Variants in LTF observed in about 807,000 individuals in gnomAD.
LTF encodes the protein epididymis luminal protein 110.
LTF carries 91 observed loss-of-function variants against 87.2 expected under a neutral mutation model. The observed-to-expected ratio is 1.04, with a 90% CI of 0.88 to 1.24. The LOEUF is 1.24. Among genes scored for constraint, LTF ranks in the 50% most tolerant of loss-of-function variants. The pLI, the probability that LTF is intolerant of heterozygous loss-of-function variation, is 0.00. For missense variants in LTF, 901 were observed against 904.3 expected (o/e 1.00, Z 0.05); for synonymous variants, 378 against 356.1 (o/e 1.06, Z -0.69).
upstream of LTF, among the ~76,000 whole-genome samples, chr3:46,469,777 A>G (rs542612261): frequency 1.1e-4 from 16 of 152,210 alleles, no homozygotes; most frequent in South Asian, 3.3e-3. Context: ...AGAGTCTGGG[A>G]ACGTTTCTGG....
At chr3:46,463,596 C>T in intron 1 of LTF, 1 of 985,530 alleles carries the variant, frequency 1.0e-6, no homozygotes, top group Middle Eastern at 5.2e-4. Context: ...CTTCAGACCT[C>T]AGTAGGCGCC....
chr3:46,473,568 G>A (rs1407419621), intron 1 of LTF, among the ~76,000 whole-genome samples: 1 of 152,150 alleles, frequency 6.6e-6, no homozygotes, highest in East Asian at 1.9e-4. Flanking sequence ...AAGAATGTAG[G>A]GCTGTTTTCC....
intron 16 of LTF, among the ~76,000 whole-genome samples, chr3:46,436,690 G>A (rs1279037394): frequency 6.6e-6 from 1 of 152,226 alleles, no homozygotes; most frequent in Non-Finnish European, 1.5e-5. Flanking sequence ...CCCTCAAGAA[G>A]CATGTGGTCT....
In LTF at chr3:46,447,458, T is replaced by A. The variant is rs746248305; in HGVS notation, c.1213-60A>T. Reference sequence around the variant, plus strand: ...GAGGCTGCATCCCGTCCTGCCTGTCTATATAGCTCTCTGAGAGAATGGTTT... The same window carrying A: ...GAGGCTGCATCCCGTCCTGCCTGTCAATATAGCTCTCTGAGAGAATGGTTT... On this transcript the variant is annotated intron_variant, in intron 9 of 16. Transcript: ENST00000231751. The A allele has an allele frequency of 1.1e-5, 13 of 1,145,086 alleles. No individual in the cohort carries two copies. In the Admixed American group the frequency reaches 2.0e-4, roughly 18 times the overall value. The allele number at this position is 1,145,086 out of a possible 1,614,324, so 70.9% of individuals were successfully genotyped here. A position where few individuals can be genotyped will look rare whatever the true frequency, so the allele number is the denominator to read the frequency against.
intron 1 of LTF, among the ~76,000 whole-genome samples, chr3:46,479,282 C>A (rs1273830191): frequency 1.3e-5 from 2 of 152,228 alleles, no homozygotes; most frequent in Admixed American, 6.5e-5. Context: ...CTTCCAGCAA[C>A]CTCCACAAAG....
chr3:46,437,227 T>C (rs1206238780), intron 16 of LTF, among the ~76,000 whole-genome samples: 1 of 152,214 alleles, frequency 6.6e-6, no homozygotes, highest in Admixed American at 6.5e-5. Flanking sequence ...TATCAACATA[T>C]TTCCCTGGTT....
rs1297629191 is a variant in LTF, at chr3:46,436,224, G to A, written c.2104C>T (p.Leu702=). Residue 702 remains leucine (L), a synonymous_variant, in exon 17 of 17, where the codon CTG becomes TTG. Coordinates refer to ENST00000231751, the MANE Select transcript of LTF (RefSeq NM_002343.6). ...TTCCTGAGGAATTCACAGGCTTCCA[G>A]GAGGGCTGTGGGACACAACAGAGCA... ...NLKKCSTSPL[L]EACEFLRK 1 of 1,613,972 alleles carries A rather than the reference G, an allele frequency of 6.2e-7. No individual in the cohort carries two copies. The highest frequency in any genetic ancestry group is 8.5e-7 in the Non-Finnish European group (1 of 1,179,946).
chr3:46,456,066 G>C (rs1702922057), intron 3 of LTF, 88 bp from the exon 4 acceptor site: 1 of 1,253,606 alleles, frequency 8.0e-7, no homozygotes, highest in East Asian at 2.5e-5. Flanking sequence ...GGTGGGAAGG[G>C]GGAATGCTGT....
chr3:46,458,764 A>G (rs1319619500), intron 2 of LTF, among the ~76,000 whole-genome samples: 1 of 152,172 alleles, frequency 6.6e-6, no homozygotes. Flanking sequence ...TAGTAGAGGC[A>G]GGGTTTCACC....
chr3:46,468,294 A>G (rs1473325729), upstream of LTF: 2 of 456,682 alleles, frequency 4.4e-6, no homozygotes, highest in Non-Finnish European at 8.8e-6. Context: ...CCAACGTGCC[A>G]GGAGTTGGGT....
intron 13 of LTF, among the ~76,000 whole-genome samples, chr3:46,443,009 A>G (rs1702560738): frequency 6.6e-6 from 1 of 152,208 alleles, no homozygotes; most frequent in African/African-American, 2.4e-5. Flanking sequence ...TCTCTTTGCC[A>G]TTTCTAAGGC....
upstream of LTF, among the ~76,000 whole-genome samples, chr3:46,468,871 T>C (rs1703248264): frequency 6.6e-6 from 1 of 152,192 alleles, no homozygotes; most frequent in Non-Finnish European, 1.5e-5. Flanking sequence ...TCAGGCATAG[T>C]CGATGTATTT....
upstream of LTF, among the ~76,000 whole-genome samples, chr3:46,465,736 C>T (rs979973919): frequency 6.6e-6 from 1 of 152,102 alleles, no homozygotes; most frequent in Non-Finnish European, 1.5e-5. Context: ...AGCTAGAATA[C>T]TGCTTCTAAG....
At chr3:46,463,444 C>A (rs1352549780) in intron 1 of LTF, 2 of 985,710 alleles carry the variant, frequency 2.0e-6, no homozygotes, top group East Asian at 2.3e-4. Context: ...CCCCACTCAC[C>A]CAACTTCTGT....
intron 12 of LTF, 57 bp from the exon 13 acceptor site, chr3:46,443,639 C>A (rs1267301035): frequency 6.3e-7 from 1 of 1,582,162 alleles, no homozygotes; most frequent in Non-Finnish European, 8.7e-7. Flanking sequence ...CACAAGCAAC[C>A]TTTACCTAAC....
At chr3:46,472,999 C>G (rs1343099388) in intron 1 of LTF, among the ~76,000 whole-genome samples, 1 of 152,106 alleles carries the variant, frequency 6.6e-6, no homozygotes, top group Non-Finnish European at 1.5e-5. Flanking sequence ...CTCTTTCAGT[C>G]ACTACATGTC....
Position 46,482,885 on chromosome 3 carries a change from CAAAG to C in LTF, c.-320+2097_-320+2100del, listed in dbSNP as rs1191682998. On this transcript the variant is annotated intron_variant, in intron 1 of 19. Transcript: ENST00000443496. ...CAGAGAGAAAGAGAGAGAAAGAAAA[CAAAG>C]AAGAAAGAAAAAGAAAGAAAGAAAA... Among the ~76,000 whole-genome samples, 6 of 151,874 alleles carry C rather than the reference CAAAG, an allele frequency of 4.0e-5. No individual in the cohort carries two copies. In the South Asian group the frequency reaches 1.0e-3, roughly 26 times the overall value.
At chr3:46,455,583 C>T in intron 4 of LTF, 141 bp from the exon 5 acceptor site, 3 of 1,179,574 alleles carry the variant, frequency 2.5e-6, no homozygotes, top group South Asian at 3.0e-5. Flanking sequence ...GCTGGGAGCT[C>T]GAGACATGCA....
At chr3:46,467,639 C>A (rs941018741), upstream of LTF, among the ~76,000 whole-genome samples, 3 of 137,030 alleles carry the variant, frequency 2.2e-5, no homozygotes, top group Non-Finnish European at 3.1e-5. Flanking sequence ...CTTTTCTTTT[C>A]TTTTCTTTTT....
Sources: allele counts gnomAD v4.1 joint callset (sites outside exome capture counted in the v4.1 genomes callset), GRCh38; gene constraint gnomAD v4.1.1; transcripts MANE v1.5; gene names NCBI Gene and HGNC (gene_info 2026-07-23, HGNC 2026-07-21).